The following SORL1 variants were observed in gnomAD, a reference collection of about 807,000 sequenced individuals.
SORL1 encodes the protein sortilin-related receptor.
SORL1 carries 127 observed loss-of-function variants against 273.7 expected under a neutral mutation model. The observed-to-expected ratio is 0.46, with a 90% CI of 0.40 to 0.54. The LOEUF (loss-of-function observed/expected upper bound fraction) is 0.54, where lower values mean the gene tolerates loss of function less well. SORL1 is among the 20% of genes least tolerant of loss of function. The pLI is 0.00. For synonymous variants in SORL1, 1,031 were observed against 1,067.4 expected (o/e 0.97, Z 0.66); for missense variants, 2,494 against 2,846.1 (o/e 0.88, Z 2.81).
Position 121,545,297 on chromosome 11 carries a change from G to C in SORL1, c.1919G>C (p.Gly640Ala). ...CTGTGGTCACCATCTGATGAGCGGG[G>C]GAATGAGTGTTTGCTGGGACACAAG... Reference protein sequence around the residue: ...YKLWSPSDERGNECLLGHKTV... With the variant: ...YKLWSPSDERANECLLGHKTV... The change falls in exon 14 of 48, where the codon GGG becomes GCG. Residue 640 changes from glycine to alanine, a missense_variant. Coordinates refer to ENST00000260197, the MANE Select transcript of SORL1 (RefSeq NM_003105.6). 6.2e-7 allele frequency: 1 copy of C among 1,614,046 alleles called. No homozygotes were observed. Among genetic ancestry groups the C allele is most frequent in the Non-Finnish European group, 8.5e-7 (1 of 1,179,924 alleles).
At chr11:121,530,569 T>G (rs889787928) in intron 11 of SORL1, among the ~76,000 whole-genome samples, 1 of 152,144 alleles carries the variant, frequency 6.6e-6, no homozygotes, top group South Asian at 2.1e-4. Context: ...CTTTGGAGAT[T>G]TTTTTTTCAT....
intron 1 of SORL1, among the ~76,000 whole-genome samples, chr11:121,457,613 T>C (rs960972815): frequency 4.6e-5 from 7 of 152,204 alleles, no homozygotes; most frequent in Non-Finnish European, 1.5e-5. Flanking sequence ...TAATATAAAA[T>C]AGATGATTAC....
Position 121,595,860 on chromosome 11 carries a change from C to T in SORL1, c.4519+88C>T, listed in dbSNP as rs1026834343. The T allele has an allele frequency of 2.8e-6, 4 of 1,421,124 alleles. No individual in the cohort carries two copies. Among genetic ancestry groups the T allele is most frequent in the Middle Eastern group, 1.9e-4 (1 of 5,130 alleles). 88.0% of individuals were successfully genotyped at this position (1,421,124 alleles called of 1,614,324 possible). A position where few individuals can be genotyped will look rare whatever the true frequency, so the allele number is the denominator to read the frequency against. ...CTTCTGCTTCATTTCTGGATCAGCA[C>T]ACGCCTGTGTGTGAGTCTGTGTACT... is the stretch of plus-strand genomic sequence containing the variant. On this transcript the variant is annotated intron_variant, in intron 32 of 47. Transcript: ENST00000260197. The surrounding 1 kb of genome is among the most constrained non-coding windows in gnomAD (Gnocchi z 5.1).
At position 121,555,168 on chromosome 11, in the gene SORL1, A is replaced by C. The variant is rs747268678; in HGVS notation, c.2440-19A>C. The C allele has an allele frequency of 1.2e-5, 20 of 1,608,334 alleles. No homozygotes were observed. Among genetic ancestry groups the C allele is most frequent in the Non-Finnish European group, 1.6e-5 (19 of 1,176,858 alleles). ...GTTTGAACAGTTCCTAGCATTTATTATTACTTTTCTCTCTTAAGCGCCTCT... is the reference window on the plus strand; with the variant it reads ...GTTTGAACAGTTCCTAGCATTTATTCTTACTTTTCTCTCTTAAGCGCCTCT... On this transcript the variant is annotated intron_variant, in intron 17 of 47. Transcript: ENST00000260197.
chr11:121,549,883 A>G, intron 14 of SORL1, 77 bp from the exon 15 acceptor site: 1 of 1,382,504 alleles, frequency 7.2e-7, no homozygotes, highest in Admixed American at 2.0e-5. Flanking sequence ...GTAGTAAGGT[A>G]AAGTCAGCAG....
intron 3 of SORL1, among the ~76,000 whole-genome samples, chr11:121,478,869 C>T (rs1054373038): frequency 6.7e-6 from 1 of 149,260 alleles, no homozygotes; most frequent in African/African-American, 2.5e-5. Context: ...TGCTTATGCA[C>T]ATATGGGTAC....
intron 9 of SORL1, among the ~76,000 whole-genome samples, chr11:121,521,455 C>T (rs188071401): frequency 3.9e-5 from 6 of 152,068 alleles, no homozygotes; most frequent in South Asian, 2.1e-4. Context: ...TTAGTTAAAT[C>T]GAATTAATGG....
chr11:121,555,137 G>A (rs1862558708), intron 17 of SORL1, 50 bp from the exon 18 acceptor site: 1 of 1,558,184 alleles, frequency 6.4e-7, no homozygotes, highest in African/African-American at 1.4e-5. Context: ...GACTTGGCAG[G>A]GGGTCGTTTG....
intron 12 of SORL1, among the ~76,000 whole-genome samples, chr11:121,534,763 C>G (rs955486214): frequency 6.6e-6 from 1 of 152,130 alleles, no homozygotes; most frequent in Non-Finnish European, 1.5e-5. Context: ...ACTGTGACAC[C>G]CATGCACAAG....
chr11:121,524,638 C>T (rs1862092268), intron 11 of SORL1, among the ~76,000 whole-genome samples: 1 of 152,208 alleles, frequency 6.6e-6, no homozygotes, highest in South Asian at 2.1e-4. Context: ...GCACTGATGA[C>T]TGTAATTGTG....
chr11:121,455,753 G>A (rs778320832), intron 1 of SORL1, among the ~76,000 whole-genome samples: 1 of 152,212 alleles, frequency 6.6e-6, no homozygotes, highest in Non-Finnish European at 1.5e-5. Flanking sequence ...AGCACTGTGG[G>A]AGGCCGAGGC....
Position 121,531,703 on chromosome 11 carries a change from G to A in SORL1, c.1597-761G>A, listed in dbSNP as rs538936169. Among the ~76,000 whole-genome samples the A allele has an allele frequency of 1.4e-4, 21 of 152,302 alleles. No individual in the cohort carries two copies. The South Asian group carries it at 3.9e-3, about 29-fold the overall frequency. ...TGCTAAGCCTTTGTTACACTGGTTTGTGTCTGTTTCATGCACGTACACTTC... is the reference window on the plus strand; with the variant it reads ...TGCTAAGCCTTTGTTACACTGGTTTATGTCTGTTTCATGCACGTACACTTC... On this transcript the variant is annotated intron_variant, in intron 11 of 47. Coordinates refer to ENST00000260197, the MANE Select transcript of SORL1 (RefSeq NM_003105.6).
intron 12 of SORL1, among the ~76,000 whole-genome samples, chr11:121,543,284 G>A (rs1862375300): frequency 6.6e-6 from 1 of 151,904 alleles, no homozygotes; most frequent in East Asian, 1.9e-4. Flanking sequence ...CATTCAATGT[G>A]TAATCTGTTA....
At chr11:121,607,161 C>A in intron 36 of SORL1, 25 bp from the exon 37 acceptor site, 2 of 1,439,346 alleles carry the variant, frequency 1.4e-6, no homozygotes, top group South Asian at 1.1e-5. Flanking sequence ...TCCCTTTACT[C>A]ACATTTTTTT....
intron 13 of SORL1, among the ~76,000 whole-genome samples, chr11:121,544,072 C>A (rs142474237): frequency 1.1e-3 from 163 of 152,200 alleles, no homozygotes; most frequent in Non-Finnish European, 1.9e-3. Context: ...GCCTGACTGT[C>A]TGTAAGTCAG....
In SORL1 at chr11:121,555,220, G is replaced by A. The variant is rs776348326; in HGVS notation, c.2473G>A (p.Val825Met). Residue 825 changes from valine to methionine, a missense_variant, in exon 18 of 48, where the codon GTG becomes ATG. Physicochemically the swap from Val to Met is conservative, Grantham distance 21. This residue lies in a region of SORL1 where 1,609 missense variants were observed against 1,816.4 expected (regional missense o/e 0.89). Coordinates refer to ENST00000260197, the MANE Select transcript of SORL1 (RefSeq NM_003105.6). Reference sequence around the variant, plus strand: ...TTTGAATGGAAGCACAGGGCAAGAGGTGATCATCAATTCTGGCCTGGAGAC... The same window carrying A: ...TTTGAATGGAAGCACAGGGCAAGAGATGATCATCAATTCTGGCCTGGAGAC... Reference protein sequence around the residue: ...LCLNGSTGQEVIINSGLETVE... With the variant: ...LCLNGSTGQEMIINSGLETVE... 13 of 1,613,940 alleles carry A rather than the reference G, an allele frequency of 8.1e-6. No homozygotes were observed. Among genetic ancestry groups the A allele is most frequent in the African/African-American group, 2.7e-5 (2 of 74,934 alleles).
At chr11:121,613,008 G>A (rs998891088) in intron 40 of SORL1, among the ~76,000 whole-genome samples, 176 bp downstream of exon 40, 3 of 152,196 alleles carry the variant, frequency 2.0e-5, no homozygotes, top group African/African-American at 7.2e-5. Context: ...CTGATTCTAG[G>A]CAGAGGGATT....
intron 32 of SORL1, among the ~76,000 whole-genome samples, chr11:121,602,678 C>T (rs1017719315): frequency 5.9e-5 from 9 of 152,148 alleles, no homozygotes; most frequent in Non-Finnish European, 8.8e-5. Context: ...TGAAGTGGGG[C>T]GTATGAAGCT....
chr11:121,488,881 C>A (rs575494859), intron 4 of SORL1, among the ~76,000 whole-genome samples: 2 of 152,188 alleles, frequency 1.3e-5, no homozygotes, highest in Non-Finnish European at 1.5e-5. Flanking sequence ...AACCTTGGAA[C>A]GTTTTTTTGC....
Sources: gnomAD v4.1 joint callset for allele counts (sites outside exome capture counted in the v4.1 genomes callset) on GRCh38, gnomAD v4.1.1 for gene constraint, gnomAD v4.1.1 regional missense constraint, Gnocchi (gnomAD v3.1) non-coding constraint, MANE v1.5 for transcripts, NCBI Gene and HGNC (gene_info 2026-07-23, HGNC 2026-07-21) for gene names.